The following WRN variants were observed in gnomAD, a reference collection of about 807,000 sequenced individuals.
WRN encodes bifunctional 3'-5' exonuclease/ATP-dependent helicase WRN.
In WRN, 149 loss-of-function variants were observed where a neutral mutation model predicts 180.7. That is an observed-to-expected ratio of 0.82 (90% CI 0.72 to 0.94). WRN has a LOEUF of 0.94. Among genes scored for constraint, WRN ranks in the 40% least tolerant of loss-of-function variants. The pLI, the probability that WRN is intolerant of heterozygous loss-of-function variation, is 0.00. For missense variants in WRN, 1,661 were observed against 1,700.1 expected (o/e 0.98, Z 0.40); for synonymous variants, 548 against 568.9 (o/e 0.96, Z 0.52).
Position 31,094,962 on chromosome 8 carries a change from C to T in WRN, c.1899-1806C>T, listed in dbSNP as rs11574252. 3.2e-3 allele frequency among the ~76,000 whole-genome samples: 490 copies of T among 152,208 alleles called. 10 individuals are homozygous for T. In the East Asian group the frequency reaches 0.034, roughly 11 times the overall value. On this transcript the variant is annotated intron_variant, in intron 16 of 34. Coordinates refer to ENST00000298139, the MANE Select transcript of WRN (RefSeq NM_000553.6). ...TTTTTTTATGAACATACATTTTCAA[C>T]GCTTTTGCATATATGCCTAAGAGTG...
intron 1 of WRN, among the ~76,000 whole-genome samples, chr8:31,040,103 C>G (rs1811592423): frequency 6.6e-6 from 1 of 152,074 alleles, no homozygotes; most frequent in Non-Finnish European, 1.5e-5. Context: ...AGATTAGATG[C>G]AGAATGTGAA....
At chr8:31,168,830 T>A (rs892071950) in intron 34 of WRN, among the ~76,000 whole-genome samples, 5 of 152,196 alleles carry the variant, frequency 3.3e-5, no homozygotes, top group Admixed American at 6.5e-5. Flanking sequence ...TAGAACAAAT[T>A]CTTTTTATTA....
At chr8:31,149,811 A>G (rs1307620965) in intron 30 of WRN, among the ~76,000 whole-genome samples, 4 of 152,254 alleles carry the variant, frequency 2.6e-5, no homozygotes. Context: ...TAATCATTAG[A>G]TAGGCAGATT....
chr8:31,070,887 A>G (rs1812889083), intron 7 of WRN, among the ~76,000 whole-genome samples: 1 of 152,078 alleles, frequency 6.6e-6, no homozygotes, highest in Non-Finnish European at 1.5e-5. Flanking sequence ...TCTACTAAAA[A>G]TACAAAAAAT....
chr8:31,117,568 A>T (rs773215704), intron 20 of WRN, among the ~76,000 whole-genome samples: 3 of 152,128 alleles, frequency 2.0e-5, no homozygotes, highest in Non-Finnish European at 2.9e-5. Context: ...CAACAACTTG[A>T]CACTGTCAAC....
chr8:31,105,794 C>T (rs1235691987), intron 18 of WRN, among the ~76,000 whole-genome samples: 2 of 152,144 alleles, frequency 1.3e-5, no homozygotes, highest in African/African-American at 2.4e-5. Context: ...ACTGAGGACT[C>T]CCAAATTTTT....
chr8:31,119,745 A>G (rs928265177), intron 20 of WRN, among the ~76,000 whole-genome samples: 7 of 152,076 alleles, frequency 4.6e-5, no homozygotes, highest in Non-Finnish European at 7.4e-5. Flanking sequence ...ATTTCCCACA[A>G]TTGTGTAAAC....
At chr8:31,085,335 C>G (rs1307968044) in intron 11 of WRN, 89 bp downstream of exon 11, 2 of 1,406,440 alleles carry the variant, frequency 1.4e-6, no homozygotes, top group African/African-American at 2.9e-5. Context: ...AAACCAGGTT[C>G]CACCACAATG....
intron 1 of WRN, among the ~76,000 whole-genome samples, chr8:31,057,768 C>T (rs1812330450): frequency 6.6e-6 from 1 of 151,430 alleles, no homozygotes; most frequent in Non-Finnish European, 1.5e-5. Flanking sequence ...AATGCACACA[C>T]CACGTTTGAG....
chr8:31,091,527 A>G (rs1813746315), intron 15 of WRN, among the ~76,000 whole-genome samples: 1 of 151,996 alleles, frequency 6.6e-6, no homozygotes, highest in Non-Finnish European at 1.5e-5. Flanking sequence ...TAGTTACCCT[A>G]CTGTTGGTTA....
At chr8:31,073,102 A>T (rs1812970974) in intron 7 of WRN, among the ~76,000 whole-genome samples, 1 of 152,256 alleles carries the variant, frequency 6.6e-6, no homozygotes, top group Non-Finnish European at 1.5e-5. Context: ...GGAAACCCAT[A>T]GAGGATTTGG....
In WRN at chr8:31,174,197, G is replaced by A. The variant is rs1374804559; in HGVS notation, c.*1095G>A. Among the ~76,000 whole-genome samples the A allele has an allele frequency of 6.6e-6, 1 of 152,138 alleles. No individual in the cohort carries two copies. The highest frequency in any genetic ancestry group is 1.5e-5 in the Non-Finnish European group (1 of 68,028). On this transcript the variant is annotated 3_prime_UTR_variant, in exon 35 of 35. Coordinates refer to ENST00000298139, the MANE Select transcript of WRN (RefSeq NM_000553.6). ...TGCATTGCATTACCAGAAGGTAGTG[G>A]CGCCTATTAAATATGTGATATGTTG...
intron 7 of WRN, among the ~76,000 whole-genome samples, chr8:31,069,168 TAATTA>T (rs1812817737): frequency 6.6e-6 from 1 of 152,272 alleles, no homozygotes. Flanking sequence ...GTTAAGATGT[TAATTA>T]AATTAGGCCA....
rs368876038 is a variant in WRN, at chr8:31,157,398, C to G, written c.3850C>G (p.Leu1284Val). The G allele has an allele frequency of 6.2e-7, 1 of 1,614,068 alleles. No individual in the cohort carries two copies. The highest frequency in any genetic ancestry group is 8.5e-7 in the Non-Finnish European group (1 of 1,180,004). The stretch of plus-strand genomic sequence containing the variant: ...CATAGCTGAGAGCAGGATTCTGCCT[C>G]TCATGACAATTGGCATGCACTTATC... ...KSIAESRILP[L>V]MTIGMHLSQA... The change falls in exon 33 of 35, where the codon CTC becomes GTC. Residue 1284 changes from leucine (L) to valine (V), a missense_variant. Leu to Val is a conservative substitution (Grantham distance 32, BLOSUM62 1). This residue lies in a region of WRN where 1,141 missense variants were observed against 1,149.4 expected (regional missense o/e 0.99). Coordinates refer to ENST00000298139, the MANE Select transcript of WRN (RefSeq NM_000553.6).
Position 31,143,532 on chromosome 8 carries a change from TTA to T in WRN, c.3310-14_3310-13del. The T allele has an allele frequency of 6.5e-7, 1 of 1,538,010 alleles. No individual in the cohort carries two copies. The highest frequency in any genetic ancestry group is 2.3e-5 in the East Asian group (1 of 44,290). ...TTTTGAAACTTTTTTTAATGGACCTTTATATGTTTAAATGCAGTCTAACTTGG... is the reference window on the plus strand; with the variant it reads ...TTTTGAAACTTTTTTTAATGGACCTTTATGTTTAAATGCAGTCTAACTTGG... On this transcript the variant is annotated splice_polypyrimidine_tract_variant and intron_variant, in intron 27 of 34. Coordinates refer to ENST00000298139, the MANE Select transcript of WRN (RefSeq NM_000553.6).
At chr8:31,152,967 C>T (rs912073235) in intron 31 of WRN, among the ~76,000 whole-genome samples, 4 of 151,224 alleles carry the variant, frequency 2.6e-5, no homozygotes, top group African/African-American at 7.3e-5. Flanking sequence ...TGCTTGAGCC[C>T]GGGGATTTGA....
At position 31,085,249 on chromosome 8, in the gene WRN, A is replaced by G. The variant is rs2130140837; in HGVS notation, c.1431+3A>G. On this transcript the variant is annotated splice_donor_region_variant and intron_variant, in intron 11 of 34. Coordinates refer to ENST00000298139, the MANE Select transcript of WRN (RefSeq NM_000553.6). The stretch of plus-strand genomic sequence containing the variant: ...ATTTAGAAATGGAGATGCTTAAGGT[A>G]TGTTTACAATTATAAAAACATTACT... 1.2e-6 allele frequency: 2 copies of G among 1,612,690 alleles called. No individual in the cohort carries two copies. Among genetic ancestry groups the G allele is most frequent in the South Asian group, 2.2e-5 (2 of 91,042 alleles).
Position 31,175,439 on chromosome 8 carries a change from TA to T in WRN, c.*2344del, listed in dbSNP as rs1365860916. 6.6e-6 allele frequency among the ~76,000 whole-genome samples: 1 copy of T among 151,864 alleles called. No homozygotes were observed. The highest frequency in any genetic ancestry group is 1.5e-5 in the Non-Finnish European group (1 of 67,942). Reference sequence around the variant, plus strand: ...ACAGAGCAAGACTCCGTCTCAAAAATAAAAAAAGAAATCATGACTGGGTAAA... The same window carrying T: ...ACAGAGCAAGACTCCGTCTCAAAAATAAAAAAGAAATCATGACTGGGTAAA... On this transcript the variant is annotated 3_prime_UTR_variant, in exon 35 of 35. Coordinates refer to ENST00000298139, the MANE Select transcript of WRN (RefSeq NM_000553.6).
chr8:31,051,490 A>T (rs530375382), intron 1 of WRN, among the ~76,000 whole-genome samples: 1 of 152,326 alleles, frequency 6.6e-6, no homozygotes, highest in African/African-American at 2.4e-5. Flanking sequence ...TTCTATTGAC[A>T]TGAACTAGAA....
Sources: allele counts gnomAD v4.1 joint callset (sites outside exome capture counted in the v4.1 genomes callset), GRCh38; gene constraint gnomAD v4.1.1; regional missense constraint gnomAD v4.1.1; transcripts MANE v1.5; gene names NCBI Gene and HGNC (gene_info 2026-07-23, HGNC 2026-07-21).